Variants in SLC6A5 observed in about 807,000 individuals in gnomAD.
The protein encoded by SLC6A5 is sodium- and chloride-dependent glycine transporter 2.
In SLC6A5, 58 loss-of-function variants were observed where a neutral mutation model predicts 90.5. That is an observed-to-expected ratio of 0.64 (90% confidence interval 0.52 to 0.80). The LOEUF is 0.80. SLC6A5 is among the 30% of genes least tolerant of loss of function. The probability of loss-of-function intolerance (pLI) is 0.00; values close to 1 mark genes in which losing one functional copy is unlikely to be tolerated. For synonymous variants in SLC6A5, 427 were observed against 401.4 expected (o/e 1.06, Z -0.76); for missense variants, 1,015 against 1,017.6 (o/e 1.00, Z 0.03).
intron 10 of SLC6A5, among the ~76,000 whole-genome samples, chr11:20,632,052 G>T (rs1238215010): frequency 6.6e-6 from 1 of 152,094 alleles, no homozygotes; most frequent in Non-Finnish European, 1.5e-5. Flanking sequence ...AATTAGAGGG[G>T]CCCCAGGAGA....
At chr11:20,630,579 A>G in intron 9 of SLC6A5, 112 bp from the exon 10 acceptor site, 4 of 1,233,930 alleles carry the variant, frequency 3.2e-6, no homozygotes, top group East Asian at 2.3e-5. Flanking sequence ...GTACACGTAT[A>G]TGCCTACACA....
rs757568068 is a variant in SLC6A5 at position 20,604,435 on chromosome 11, T to C, written c.679+11T>C. 6.2e-7 allele frequency: 1 copy of C among 1,609,800 alleles called. No individual in the cohort carries two copies. The highest frequency in any genetic ancestry group is 1.7e-5 in the Admixed American group (1 of 59,938). ...TCCAGAACGGGGGAGGTATGGCTTT[T>C]CCGCTCTTTCCGCCTGCGGCGGGGC... On this transcript the variant is annotated intron_variant, in intron 3 of 15. Transcript: ENST00000525748.
chr11:20,617,962 G>C, intron 7 of SLC6A5, 78 bp downstream of exon 7: 4 of 1,429,290 alleles, frequency 2.8e-6, no homozygotes, highest in Non-Finnish European at 2.0e-6. Context: ...CAGAGCACTG[G>C]AAAGAGAGTC....
At chr11:20,611,960 C>T (rs943064042) in intron 5 of SLC6A5, among the ~76,000 whole-genome samples, 4 of 152,168 alleles carry the variant, frequency 2.6e-5, no homozygotes, top group South Asian at 4.1e-4. Flanking sequence ...ACCTCTTTCT[C>T]TGCTGCAACG....
Position 20,627,443 on chromosome 11 carries a change from TA to T in SLC6A5, c.1396-536del, listed in dbSNP as rs1853018893. On this transcript the variant is annotated intron_variant, in intron 8 of 15. Coordinates refer to ENST00000525748, the MANE Select transcript of SLC6A5 (RefSeq NM_004211.5). ...TTTTCCAGGATGTGTTAAGATTGCA[TA>T]GCTAGGATTGAGTTTGATTGCACAA... 6.6e-5 allele frequency among the ~76,000 whole-genome samples: 10 copies of T among 152,276 alleles called. No homozygotes were observed. The South Asian group carries it at 2.1e-3, about 32-fold the overall frequency.
chr11:20,622,560 G>A (rs905831304), intron 7 of SLC6A5, among the ~76,000 whole-genome samples: 1 of 152,028 alleles, frequency 6.6e-6, no homozygotes, highest in Non-Finnish European at 1.5e-5. Context: ...CTTGTCTCAA[G>A]ACCTTGAACG....
At chr11:20,637,020 A>G in intron 11 of SLC6A5, 152 bp from the exon 12 acceptor site, 1 of 780,940 alleles carries the variant, frequency 1.3e-6, no homozygotes, top group Non-Finnish European at 2.2e-6. Context: ...TTGGACCCCA[A>G]GGAGGCTTTT....
intron 5 of SLC6A5, among the ~76,000 whole-genome samples, chr11:20,609,643 C>T (rs1852657833): frequency 6.6e-6 from 1 of 152,228 alleles, no homozygotes; most frequent in Non-Finnish European, 1.5e-5. Context: ...CTCTCACAAT[C>T]CCATAACTAC....
chr11:20,607,755 T>C, intron 5 of SLC6A5, 103 bp downstream of exon 5: 1 of 882,546 alleles, frequency 1.1e-6, no homozygotes, highest in South Asian at 1.4e-5. Flanking sequence ...CTATACTAGG[T>C]TCTGGGAACA....
chr11:20,604,479 T>C lies in SLC6A5; in HGVS notation c.679+55T>C, dbSNP rs548764566. 5 of 1,599,372 alleles carry C rather than the reference T, an allele frequency of 3.1e-6. No homozygotes were observed. In the African/African-American group the frequency reaches 5.3e-5, roughly 17 times the overall value. On this transcript the variant is annotated intron_variant, in intron 3 of 15. Coordinates refer to ENST00000525748, the MANE Select transcript of SLC6A5 (RefSeq NM_004211.5). ...GCGGGGCGGGGCGGGCACCTGAGGG[T>C]TGGGTGGGACAGGAGCCCTCAGGCA...
intron 2 of SLC6A5, among the ~76,000 whole-genome samples, chr11:20,603,378 A>C (rs916136284): frequency 6.6e-6 from 1 of 152,178 alleles, no homozygotes; most frequent in Admixed American, 6.5e-5. Context: ...CCAAGAAAGC[A>C]TCTTCGTGTG....
At chr11:20,599,790 G>T in intron 1 of SLC6A5, 115 bp downstream of exon 1, 1 of 1,218,838 alleles carries the variant, frequency 8.2e-7, no homozygotes, top group Non-Finnish European at 1.2e-6. Flanking sequence ...GGGGAAAGGG[G>T]GCGACGAGGA....
intron 5 of SLC6A5, among the ~76,000 whole-genome samples, chr11:20,610,274 G>A (rs934228233): frequency 6.6e-6 from 1 of 151,686 alleles, no homozygotes; most frequent in Non-Finnish European, 1.5e-5. Flanking sequence ...GAAGGCTCCG[G>A]GCGCTGGGAA....
At chr11:20,616,199 C>A (rs138613751) in intron 6 of SLC6A5, among the ~76,000 whole-genome samples, 50 of 152,262 alleles carry the variant, frequency 3.3e-4, no homozygotes, top group African/African-American at 1.1e-3. Flanking sequence ...TTGTTCCCTG[C>A]AGAACAGAAG....
At chr11:20,617,335 A>G (rs1340785105) in intron 6 of SLC6A5, among the ~76,000 whole-genome samples, 1 of 152,272 alleles carries the variant, frequency 6.6e-6, no homozygotes, top group Non-Finnish European at 1.5e-5. Context: ...TAAAATTAAA[A>G]TCACACAAAT....
chr11:20,608,422 T>C (rs1277824220), intron 5 of SLC6A5, among the ~76,000 whole-genome samples: 1 of 152,220 alleles, frequency 6.6e-6, no homozygotes, highest in Non-Finnish European at 1.5e-5. Flanking sequence ...CCTCTGTCAC[T>C]GACTGTATGT....
At chr11:20,608,634 G>A (rs186526853) in intron 5 of SLC6A5, among the ~76,000 whole-genome samples, 1 of 152,204 alleles carries the variant, frequency 6.6e-6, no homozygotes, top group East Asian at 1.9e-4. Context: ...CATTTTAAAG[G>A]GAACCTAGAA....
Position 20,626,759 on chromosome 11 carries a change from A to T in SLC6A5, c.1312A>T (p.Ile438Phe). The T allele has an allele frequency of 6.2e-7, 1 of 1,613,284 alleles. No individual in the cohort carries two copies. Among genetic ancestry groups the T allele is most frequent in the Non-Finnish European group, 8.5e-7 (1 of 1,179,388 alleles). The stretch of plus-strand genomic sequence containing the variant: ...GTATGTCGTACTCGTGATCCTCCTC[A>T]TCCGAGGAGTCACCCTGCCTGGAGC... ...FPYVVLVILL[I>F]RGVTLPGAGA... The change falls in exon 8 of 16, where the codon ATC becomes TTC. Residue 438 changes from isoleucine to phenylalanine, a missense_variant. Physicochemically the swap from Ile to Phe is conservative, Grantham distance 21. This residue lies in a region of SLC6A5 where 442 missense variants were observed against 494.3 expected (regional missense o/e 0.89). Transcript: ENST00000525748.
rs376886042 is a variant in SLC6A5, at chr11:20,628,088, G to T, written c.1499+5G>T. The T allele has an allele frequency of 9.3e-6, 15 of 1,607,350 alleles. No individual in the cohort carries two copies. In the South Asian group the frequency reaches 1.5e-4, roughly 16 times the overall value. ...ATTCCACAACAACTGCTACAGGTATGTAGAGGTACTACAAGATCTGGGCAT... is the reference window on the plus strand; with the variant it reads ...ATTCCACAACAACTGCTACAGGTATTTAGAGGTACTACAAGATCTGGGCAT... On this transcript the variant is annotated splice_donor_5th_base_variant and intron_variant, in intron 9 of 15. Transcript: ENST00000525748.
Sources: allele counts gnomAD v4.1 joint callset (sites outside exome capture counted in the v4.1 genomes callset), GRCh38; gene constraint gnomAD v4.1.1; regional missense constraint gnomAD v4.1.1; transcripts MANE v1.5; gene names NCBI Gene and HGNC (gene_info 2026-07-23, HGNC 2026-07-21).